The following NAA60 variants were observed in gnomAD, a reference collection of about 807,000 sequenced individuals.
The protein encoded by NAA60 is N-alpha-acetyltransferase 60.
In NAA60, 8 loss-of-function variants were observed where a neutral mutation model predicts 26.1. The observed-to-expected ratio is 0.31, with a 90% confidence interval of 0.18 to 0.55. The LOEUF (loss-of-function observed/expected upper bound fraction) is 0.55. Among genes scored for constraint, NAA60 ranks in the 20% least tolerant of loss-of-function variants. NAA60 has a pLI of 0.93. For missense variants in NAA60, 290 were observed against 311.3 expected, an observed-to-expected ratio of 0.93 and a Z score of 0.51; for synonymous variants, 131 against 122.5, an observed-to-expected ratio of 1.07 and a Z score of -0.46.
At chr16:3,480,474 A>G (rs2036755786) in intron 4 of NAA60, among the ~76,000 whole-genome samples, 1 of 151,520 alleles carries the variant, frequency 6.6e-6, no homozygotes, top group Admixed American at 6.6e-5. Flanking sequence ...GCAGGCGCCT[A>G]TAATCCCAGC....
intron 2 of NAA60, among the ~76,000 whole-genome samples, chr16:3,456,140 ATGTTGTTACTC>A (rs1249073783): frequency 6.6e-6 from 1 of 152,146 alleles, no homozygotes; most frequent in Non-Finnish European, 1.5e-5. Flanking sequence ...AAACAATAGA[ATGTTGTTACTC>A]TGTTGTTACT....
intron 2 of NAA60, among the ~76,000 whole-genome samples, chr16:3,449,518 AG>A (rs758622441): frequency 4.6e-5 from 7 of 151,982 alleles, no homozygotes; most frequent in African/African-American, 9.7e-5. Context: ...ACTCTGTCTC[AG>A]AAAAAAAAAG....
intron 3 of NAA60, among the ~76,000 whole-genome samples, chr16:3,476,923 C>T (rs1256914414): frequency 6.6e-6 from 1 of 152,072 alleles, no homozygotes; most frequent in Non-Finnish European, 1.5e-5. Flanking sequence ...TGCCTGTAAT[C>T]CTAGCTACTT....
At chr16:3,459,413 CAT>C (rs1176980470) in intron 2 of NAA60, among the ~76,000 whole-genome samples, 1 of 152,164 alleles carries the variant, frequency 6.6e-6, no homozygotes, top group Non-Finnish European at 1.5e-5. Flanking sequence ...TAAATACACA[CAT>C]ATCAGTGAAC....
chr16:3,462,118 AT>A lies in NAA60; in HGVS notation c.-7+13584del, dbSNP rs1035719821. On this transcript the variant is annotated intron_variant, in intron 2 of 7. Transcript: ENST00000407558. ...AAAAAAAAAAAAACCTTTCAGTGCTATTTTTTGTGGTATAGTTACTGTTATT... is the reference window on the plus strand; with the variant it reads ...AAAAAAAAAAAAACCTTTCAGTGCTATTTTTGTGGTATAGTTACTGTTATT... Among the ~76,000 whole-genome samples the A allele has an allele frequency of 2.9e-5, 4 of 140,250 alleles. No individual in the cohort carries two copies. In the Admixed American group the frequency reaches 2.9e-4, roughly 10 times the overall value. 92.0% of individuals were successfully genotyped at this position (140,250 alleles called of 152,430 possible).
intron 7 of NAA60, 182 bp downstream of exon 7, chr16:3,485,243 C>A (rs775435479): frequency 1.5e-6 from 1 of 656,994 alleles, no homozygotes; most frequent in Non-Finnish European, 2.8e-6. Flanking sequence ...ACACAGCAGG[C>A]TCCATGGCAA....
At chr16:3,458,500 T>A (rs563966931) in intron 2 of NAA60, among the ~76,000 whole-genome samples, 1 of 152,230 alleles carries the variant, frequency 6.6e-6, no homozygotes, top group African/African-American at 2.4e-5. Flanking sequence ...TCGGGACAAT[T>A]TGCAACTAGA....
chr16:3,482,692 C>G, intron 5 of NAA60, 94 bp downstream of exon 5: 4 of 907,980 alleles, frequency 4.4e-6, no homozygotes, highest in Non-Finnish European at 7.0e-6. Context: ...TCCCTGGCCC[C>G]AACAACTCTG....
At chr16:3,477,831 C>T (rs1004082685) in intron 3 of NAA60, among the ~76,000 whole-genome samples, 2 of 151,958 alleles carry the variant, frequency 1.3e-5, no homozygotes, top group Admixed American at 6.6e-5. Flanking sequence ...TTTGGGAGGC[C>T]GAGGCGGGTG....
At chr16:3,457,417 C>T (rs2035048983) in intron 2 of NAA60, among the ~76,000 whole-genome samples, 1 of 152,250 alleles carries the variant, frequency 6.6e-6, no homozygotes, top group African/African-American at 2.4e-5. Context: ...GATTGCGCCC[C>T]AGGCTGGGAG....
intron 2 of NAA60, 142 bp from the exon 3 acceptor site, chr16:3,476,080 G>A: frequency 1.6e-6 from 1 of 615,796 alleles, no homozygotes; most frequent in Non-Finnish European, 2.8e-6. Context: ...GCGATCGTGA[G>A]AGGCAGAGGC....
At chr16:3,464,693 C>A (rs2035627405) in intron 2 of NAA60, among the ~76,000 whole-genome samples, 1 of 152,162 alleles carries the variant, frequency 6.6e-6, no homozygotes, top group Non-Finnish European at 1.5e-5. Context: ...CCCATGTGCC[C>A]CCAAACCTGG....
chr16:3,447,767 A>G (rs947917841), intron 1 of NAA60: 3 of 361,008 alleles, frequency 8.3e-6, no homozygotes, highest in African/African-American at 6.6e-5. Flanking sequence ...TGCAAGAACA[A>G]GAGGCTCACA....
At chr16:3,456,397 C>T (rs183228660) in intron 2 of NAA60, among the ~76,000 whole-genome samples, 34 of 152,006 alleles carry the variant, frequency 2.2e-4, no homozygotes, top group African/African-American at 7.7e-4. Context: ...CATCCATCTT[C>T]TAGCCAGTGG....
intron 5 of NAA60, 81 bp from the exon 6 acceptor site, chr16:3,483,282 C>G: frequency 2.0e-6 from 2 of 1,017,900 alleles, no homozygotes; most frequent in Non-Finnish European, 1.5e-6. Context: ...CCGAGAGACT[C>G]ATGCAAAGCC....
chr16:3,469,525 GCCC>G (rs2035990262), intron 2 of NAA60, among the ~76,000 whole-genome samples: 1 of 110,984 alleles, frequency 9.0e-6, no homozygotes, highest in Non-Finnish European at 2.0e-5. Context: ...GCACAGCACT[GCCC>G]TGGTACCCAT....
At chr16:3,455,795 C>T (rs2034967218) in intron 2 of NAA60, among the ~76,000 whole-genome samples, 1 of 152,098 alleles carries the variant, frequency 6.6e-6, no homozygotes, top group East Asian at 1.9e-4. Context: ...GCAACCTCCA[C>T]GTCCTGAGTT....
intron 4 of NAA60, 41 bp from the exon 5 acceptor site, chr16:3,482,461 C>T (rs1189393090): frequency 4.0e-6 from 6 of 1,504,020 alleles, no homozygotes. Flanking sequence ...AGCCGTGCAC[C>T]AGACGTGTGA....
At chr16:3,484,174 CGT>C (rs143827491) in intron 6 of NAA60, among the ~76,000 whole-genome samples, 3 of 151,788 alleles carry the variant, frequency 2.0e-5, no homozygotes, top group African/African-American at 4.8e-5. Context: ...AAATGCTGTG[CGT>C]GTGTGTGTGT....
Sources: gnomAD v4.1 joint callset for allele counts (sites outside exome capture counted in the v4.1 genomes callset) on GRCh38, gnomAD v4.1.1 for gene constraint, MANE v1.5 for transcripts, NCBI Gene and HGNC (gene_info 2026-07-23, HGNC 2026-07-21) for gene names.